KCNT1: variants seen among roughly 807,000 people sequenced by gnomAD.
KCNT1 encodes the protein potassium sodium-activated channel subfamily T member 1, also known as potassium channel subfamily T member 1.
A neutral mutation model predicts 147.8 loss-of-function variants in KCNT1; 78 were observed. The ratio of observed to expected loss-of-function variants is 0.53; its 90% CI spans 0.44 to 0.64. The LOEUF is 0.64. Among genes scored for constraint, KCNT1 ranks in the 30% least tolerant of loss-of-function variants. The probability of loss-of-function intolerance (pLI) is 0.00; values close to 1 mark genes in which losing one functional copy is unlikely to be tolerated. For synonymous variants in KCNT1, 867 were observed against 748.8 expected, an observed-to-expected ratio of 1.16 and a Z score of -2.58; for missense variants, 1,419 against 1,750.3, an observed-to-expected ratio of 0.81 and a Z score of 3.38.
chr9:135,790,068 C>T (rs1024955154), intron 29 of KCNT1: 5 of 152,206 alleles, frequency 3.3e-5, no homozygotes, highest in African/African-American at 9.7e-5. Flanking sequence ...ACTTCAGAAG[C>T]GTGTGGTCCG....
At chr9:135,788,652 G>A (rs1325604759) in intron 29 of KCNT1, among the ~76,000 whole-genome samples, 4 of 152,214 alleles carry the variant, frequency 2.6e-5, no homozygotes, top group Non-Finnish European at 4.4e-5. Flanking sequence ...GGATGCAGGG[G>A]TGGGGACTCC....
At chr9:135,756,816 A>AGGCCCC (rs1373386757) in intron 6 of KCNT1, 57 bp from the exon 7 acceptor site, 1 of 1,474,872 alleles carries the variant, frequency 6.8e-7, no homozygotes, top group Non-Finnish European at 9.5e-7. Flanking sequence ...CTGTGGGGTC[A>AGGCCCC]GGCCCCAGCC....
intron 22 of KCNT1, 79 bp from the exon 23 acceptor site, chr9:135,778,609 C>T: frequency 6.2e-7 from 1 of 1,603,998 alleles, no homozygotes; most frequent in Non-Finnish European, 8.5e-7. Context: ...GGTCCTCCTG[C>T]CTTCTGACCA....
chr9:135,759,075 T>TC (rs896121247), intron 10 of KCNT1, among the ~76,000 whole-genome samples: 67 of 152,048 alleles, frequency 4.4e-4, no homozygotes, highest in African/African-American at 1.5e-3. Flanking sequence ...CCGCCTCCCT[T>TC]CCCCCCTGCC....
intron 11 of KCNT1, 105 bp downstream of exon 11, chr9:135,759,964 C>T: frequency 9.1e-7 from 1 of 1,099,092 alleles, no homozygotes; most frequent in Non-Finnish European, 1.3e-6. Context: ...GGGGGCCACT[C>T]CCAGGAGGGG....
chr9:135,791,815 A>C lies in KCNT1; in HGVS notation c.3521A>C (p.Gln1174Pro), dbSNP rs761270493. ...TTGYDEMNDH[Q>P]NTLSYVLINP... ...TTTGCAGACGAGATGAACGACCACCAGAACACCCTCTCCTACGTCCTCATC... is the reference window on the plus strand; with the variant it reads ...TTTGCAGACGAGATGAACGACCACCCGAACACCCTCTCCTACGTCCTCATC... The change falls in exon 30 of 31, where the codon CAG (glutamine) becomes CCG (proline). Residue 1174 changes from glutamine to proline, a missense_variant. This residue lies in a region of KCNT1 where 306 missense variants were observed against 294.2 expected (regional missense o/e 1.04). Coordinates refer to ENST00000371757, the MANE Select transcript of KCNT1 (RefSeq NM_020822.3). The C allele has an allele frequency of 3.1e-6, 5 of 1,613,858 alleles. No individual in the cohort carries two copies. The highest frequency in any genetic ancestry group is 2.2e-5 in the East Asian group (1 of 44,862).
At chr9:135,757,078 T>TA in intron 7 of KCNT1, 78 bp from the exon 8 acceptor site, 3 of 942,544 alleles carry the variant, frequency 3.2e-6, no homozygotes, top group South Asian at 1.5e-5. Flanking sequence ...CTCGCCCTCT[T>TA]CCCCACCCTG....
chr9:135,728,757 T>C (rs1011154767), intron 2 of KCNT1, among the ~76,000 whole-genome samples: 1 of 152,228 alleles, frequency 6.6e-6, no homozygotes, highest in African/African-American at 2.4e-5. Flanking sequence ...GCTCAGCAGC[T>C]GGTGAGCTCA....
At chr9:135,785,208 GC>G in intron 27 of KCNT1, 101 bp from the exon 28 acceptor site, 2 of 1,529,132 alleles carry the variant, frequency 1.3e-6, no homozygotes, top group Non-Finnish European at 8.9e-7. Context: ...CAGGCACCGT[GC>G]CCACCAGCCC....
At chr9:135,765,855 C>T (rs1156518682) in intron 13 of KCNT1, 95 bp downstream of exon 13, 5 of 1,168,446 alleles carry the variant, frequency 4.3e-6, no homozygotes, top group African/African-American at 1.5e-5. Flanking sequence ...CTCTCCTGGC[C>T]AATGAGAGCC....
In KCNT1 at chr9:135,792,149, G is replaced by T; in HGVS notation, c.3696G>T (p.Glu1232Asp). The T allele has an allele frequency of 6.2e-7, 1 of 1,605,796 alleles. No individual in the cohort carries two copies. Among genetic ancestry groups the T allele is most frequent in the South Asian group, 1.1e-5 (1 of 90,806 alleles). ...LSSCNPETRD[E>D]TQL The stretch of plus-strand genomic sequence containing the variant: ...CCTGCAACCCCGAGACTCGCGACGA[G>T]ACACAGCTCTGAGCCAGCCCTGCAC... The change falls in exon 31 of 31, where the codon GAG (glutamate) becomes GAT (aspartate). Residue 1232 changes from glutamate to aspartate, a missense_variant. Coordinates refer to ENST00000371757, the MANE Select transcript of KCNT1 (RefSeq NM_020822.3).
At chr9:135,725,010 A>C (rs1564321959) in intron 2 of KCNT1, among the ~76,000 whole-genome samples, 1 of 152,314 alleles carries the variant, frequency 6.6e-6, no homozygotes, top group African/African-American at 2.4e-5. Context: ...TGGTGGAAGC[A>C]GCGCTGGGGC....
At chr9:135,759,611 G>A in intron 10 of KCNT1, 68 bp from the exon 11 acceptor site, 1 of 1,507,492 alleles carries the variant, frequency 6.6e-7, no homozygotes, top group South Asian at 1.3e-5. Flanking sequence ...GGGCAGGCAG[G>A]ATCTCTGAGG....
At chr9:135,746,720 CGGAGCTGGCTGGGGAGAT>C (rs1372436438) in intron 2 of KCNT1, among the ~76,000 whole-genome samples, 11 of 151,998 alleles carry the variant, frequency 7.2e-5, no homozygotes, top group Non-Finnish European at 1.5e-4. Context: ...GGGGCGTGGC[CGGAGCTGGCTGGGGAGAT>C]GGAGCTGGCT....
chr9:135,781,677 C>G (rs1259993355), intron 24 of KCNT1, among the ~76,000 whole-genome samples: 1 of 151,520 alleles, frequency 6.6e-6, no homozygotes, highest in Non-Finnish European at 1.5e-5. Context: ...TACCCCAAAT[C>G]CCTGCAGCCA....
chr9:135,791,647 TG>T, intron 29 of KCNT1, 149 bp from the exon 30 acceptor site: 1 of 692,420 alleles, frequency 1.4e-6, no homozygotes, highest in Non-Finnish European at 2.5e-6. Flanking sequence ...GGGCCCTGGC[TG>T]GGCTCACCAG....
intron 11 of KCNT1, among the ~76,000 whole-genome samples, chr9:135,761,519 T>C (rs961414967): frequency 6.6e-6 from 1 of 152,228 alleles, no homozygotes; most frequent in African/African-American, 2.4e-5. Context: ...TCACCTCAAA[T>C]TCTTTACCTT....
chr9:135,731,517 C>A (rs1836428959), intron 2 of KCNT1, among the ~76,000 whole-genome samples: 1 of 148,498 alleles, frequency 6.7e-6, no homozygotes, highest in Non-Finnish European at 1.5e-5. Context: ...TTTGGCATTT[C>A]TTTTAGCAGC....
intron 2 of KCNT1, among the ~76,000 whole-genome samples, chr9:135,718,647 G>A (rs909806421): frequency 3.3e-5 from 5 of 152,216 alleles, no homozygotes; most frequent in Non-Finnish European, 5.9e-5. Context: ...GTGCAATGTG[G>A]GGGCTCAGCA....
Sources: gnomAD v4.1 joint callset for allele counts (sites outside exome capture counted in the v4.1 genomes callset) on GRCh38, gnomAD v4.1.1 for gene constraint, gnomAD v4.1.1 regional missense constraint, MANE v1.5 for transcripts, NCBI Gene and HGNC (gene_info 2026-07-23, HGNC 2026-07-21) for gene names.